ADAMTSL1: variants seen among roughly 807,000 people sequenced by gnomAD.
ADAMTSL1 encodes the protein ADAMTS-like protein 1.
ADAMTSL1 carries 126 observed loss-of-function variants against 201.8 expected under a neutral mutation model. The observed-to-expected ratio is 0.62, with a 90% CI of 0.54 to 0.72. The LOEUF (loss-of-function observed/expected upper bound fraction) is 0.72. Ranked by LOEUF, ADAMTSL1 falls within the 30% of genes least tolerant of loss-of-function variation. The pLI is 0.00. For missense variants in ADAMTSL1, 2,679 were observed against 2,277.8 expected (o/e 1.18, Z -3.59); for synonymous variants, 1,121 against 903.4 (o/e 1.24, Z -4.32).
intron 23 of ADAMTSL1, among the ~76,000 whole-genome samples, chr9:18,875,697 G>A (rs1167836524): frequency 1.3e-5 from 2 of 152,142 alleles, no homozygotes; most frequent in Non-Finnish European, 2.9e-5. Flanking sequence ...AATATTCCAT[G>A]TGCTGATGAA....
chr9:18,172,327 G>T (rs764632406), intron 2 of ADAMTSL1, among the ~76,000 whole-genome samples: 181 of 151,932 alleles, frequency 1.2e-3, no homozygotes, highest in Non-Finnish European at 1.4e-3. Flanking sequence ...CAGCCCAATA[G>T]AAAAAAATGA....
At chr9:18,867,564 T>G (rs922364069) in intron 23 of ADAMTSL1, among the ~76,000 whole-genome samples, 48 of 152,232 alleles carry the variant, frequency 3.2e-4, no homozygotes, top group African/African-American at 1.1e-3. Context: ...ATTTGTACTT[T>G]CACCTATGCC....
intron 2 of ADAMTSL1, among the ~76,000 whole-genome samples, chr9:18,386,245 G>T (rs1452979705): frequency 1.3e-5 from 2 of 152,066 alleles, no homozygotes; most frequent in African/African-American, 2.4e-5. Context: ...AATGATCACT[G>T]GTTTACCATT....
chr9:18,910,151 A>G lies in ADAMTSL1; in HGVS notation c.*1603A>G, dbSNP rs1038699793. On this transcript the variant is annotated 3_prime_UTR_variant, in exon 29 of 29. Transcript: ENST00000380548. The stretch of plus-strand genomic sequence containing the variant: ...GGAAGTAAAATTTGAGAGGAAGACA[A>G]TATTAATCTGTGTCCCCACCTAGTG... The G allele has an allele frequency of 3.9e-5, 6 of 152,154 alleles. No individual in the cohort carries two copies. The highest frequency in any genetic ancestry group is 1.4e-4 in the African/African-American group (6 of 41,420). 9.4% of individuals were successfully genotyped at this position (152,154 alleles called of 1,614,324 possible).
intron 23 of ADAMTSL1, among the ~76,000 whole-genome samples, chr9:18,830,732 G>A (rs138240416): frequency 6.6e-6 from 1 of 152,128 alleles, no homozygotes; most frequent in Non-Finnish European, 1.5e-5. Context: ...GGCCTGGTGG[G>A]GGGGTGGGGA....
chr9:18,611,918 C>G (rs530897693), intron 4 of ADAMTSL1, among the ~76,000 whole-genome samples: 136 of 151,530 alleles, frequency 9.0e-4, no homozygotes, highest in African/African-American at 3.2e-3. Flanking sequence ...TGGCTTTGCC[C>G]CAGCCAGACC....
chr9:18,032,773 G>T (rs1017510370), intron 1 of ADAMTSL1, among the ~76,000 whole-genome samples: 1 of 152,204 alleles, frequency 6.6e-6, no homozygotes. Context: ...GGTATCTCTT[G>T]TGGCCAGAAT....
At chr9:17,915,872 A>G (rs927067397) in intron 1 of ADAMTSL1, among the ~76,000 whole-genome samples, 1 of 152,178 alleles carries the variant, frequency 6.6e-6, no homozygotes, top group African/African-American at 2.4e-5. Flanking sequence ...TATTTAGCCC[A>G]TTATAGGATT....
intron 4 of ADAMTSL1, among the ~76,000 whole-genome samples, chr9:18,615,991 G>T (rs901643387): frequency 1.3e-5 from 2 of 152,074 alleles, no homozygotes; most frequent in African/African-American, 4.8e-5. Context: ...CCATCATAAT[G>T]CTCTTTACCT....
intron 1 of ADAMTSL1, among the ~76,000 whole-genome samples, chr9:18,065,495 G>A (rs949756597): frequency 2.0e-5 from 3 of 152,110 alleles, no homozygotes; most frequent in Non-Finnish European, 4.4e-5. Flanking sequence ...TTGTAATTCA[G>A]TTAACTTAAA....
At chr9:18,349,178 C>T (rs1378743270) in intron 2 of ADAMTSL1, among the ~76,000 whole-genome samples, 1 of 152,144 alleles carries the variant, frequency 6.6e-6, no homozygotes, top group East Asian at 1.9e-4. Flanking sequence ...GAAGATGAGG[C>T]ACTTGAATAT....
intron 1 of ADAMTSL1, among the ~76,000 whole-genome samples, chr9:18,104,784 G>T (rs1427139406): frequency 6.6e-6 from 1 of 152,114 alleles, no homozygotes; most frequent in African/African-American, 2.4e-5. Flanking sequence ...AATGTAATCA[G>T]TTATTCAATT....
intron 2 of ADAMTSL1, among the ~76,000 whole-genome samples, chr9:18,396,648 G>C (rs796977326): frequency 7.3e-5 from 11 of 151,060 alleles, no homozygotes; most frequent in African/African-American, 1.7e-4. Context: ...TGTGCAAATA[G>C]AGTACCAGCC....
intron 3 of ADAMTSL1, among the ~76,000 whole-genome samples, chr9:18,568,626 A>G (rs556620919): frequency 1.3e-5 from 2 of 152,290 alleles, no homozygotes; most frequent in South Asian, 2.1e-4. Flanking sequence ...GTTTTCTTGC[A>G]TAGTAACTGT....
chr9:18,219,260 G>A (rs1488971247), intron 2 of ADAMTSL1, among the ~76,000 whole-genome samples: 1 of 151,516 alleles, frequency 6.6e-6, no homozygotes, highest in Non-Finnish European at 1.5e-5. Flanking sequence ...AGCATGGTGG[G>A]CCTTATAGAT....
chr9:18,085,975 C>G (rs1823752888), intron 1 of ADAMTSL1, among the ~76,000 whole-genome samples: 1 of 151,996 alleles, frequency 6.6e-6, no homozygotes, highest in South Asian at 2.1e-4. Context: ...AAGATAATAT[C>G]TTGAAAGTCA....
intron 23 of ADAMTSL1, among the ~76,000 whole-genome samples, chr9:18,856,140 G>C (rs1327506232): frequency 6.6e-6 from 1 of 152,120 alleles, no homozygotes; most frequent in Non-Finnish European, 1.5e-5. Flanking sequence ...TTTTAATGAA[G>C]AGCTTCTGCT....
At chr9:18,005,209 G>A (rs1444635818) in intron 1 of ADAMTSL1, among the ~76,000 whole-genome samples, 1 of 152,042 alleles carries the variant, frequency 6.6e-6, no homozygotes, top group Non-Finnish European at 1.5e-5. Context: ...AAGATAGTGA[G>A]GCAAAGAGAT....
intron 2 of ADAMTSL1, among the ~76,000 whole-genome samples, chr9:18,371,413 C>A (rs1837035623): frequency 6.6e-6 from 1 of 152,060 alleles, no homozygotes; most frequent in African/African-American, 2.4e-5. Context: ...CATATATTGC[C>A]AAACCTTAAA....
Sources: gnomAD v4.1 joint callset for allele counts (sites outside exome capture counted in the v4.1 genomes callset) on GRCh38, gnomAD v4.1.1 for gene constraint, MANE v1.5 for transcripts, NCBI Gene and HGNC (gene_info 2026-07-23, HGNC 2026-07-21) for gene names.